The following RBFOX1 variants were observed in gnomAD, a reference collection of about 807,000 sequenced individuals.
RBFOX1 encodes the protein RNA binding protein fox-1 homolog 1.
RBFOX1 carries 8 observed loss-of-function variants against 57.7 expected under a neutral mutation model. That is an observed-to-expected ratio of 0.14 (90% CI 0.08 to 0.25). The LOEUF (loss-of-function observed/expected upper bound fraction) is 0.25, where lower values mean the gene tolerates loss of function less well. Ranked by LOEUF, RBFOX1 falls within the 10% of genes least tolerant of loss-of-function variation. The probability of loss-of-function intolerance (pLI) is 1.00; values close to 1 mark genes in which losing one functional copy is unlikely to be tolerated. For missense variants in RBFOX1, 611 were observed against 548.5 expected, an observed-to-expected ratio of 1.11 and a Z score of -1.14; for synonymous variants, 326 against 222.4, an observed-to-expected ratio of 1.47 and a Z score of -4.15.
chr16:7,197,335 T>G (rs572593769), intron 4 of RBFOX1, among the ~76,000 whole-genome samples: 13 of 152,026 alleles, frequency 8.6e-5, no homozygotes, highest in African/African-American at 3.1e-4. Flanking sequence ...TTTTAACTCC[T>G]GATCTTGGGA....
chr16:7,664,768 C>T, intron 12 of RBFOX1, 161 bp from the exon 13 acceptor site: 4 of 1,303,038 alleles, frequency 3.1e-6, no homozygotes, highest in Non-Finnish European at 4.2e-6. Context: ...GTTTGCTCAA[C>T]TGCCGTTGTC....
At chr16:7,614,991 G>C (rs1042266428) in intron 10 of RBFOX1, 7 of 152,186 alleles carry the variant, frequency 4.6e-5, no homozygotes, top group African/African-American at 1.2e-4. Context: ...AGGAGGTGTA[G>C]ATGAGGGCAT....
chr16:7,066,703 G>A (rs2056132440), intron 4 of RBFOX1, among the ~76,000 whole-genome samples: 1 of 152,110 alleles, frequency 6.6e-6, no homozygotes, highest in African/African-American at 2.4e-5. Context: ...TCCACAGTCA[G>A]GACTGAAGTC....
intron 3 of RBFOX1, among the ~76,000 whole-genome samples, chr16:6,972,788 G>A (rs1232825949): frequency 6.6e-6 from 1 of 152,036 alleles, no homozygotes; most frequent in African/African-American, 2.4e-5. Flanking sequence ...TGTCGAGTGG[G>A]TAAGAAAATT....
At chr16:6,656,130 G>C (rs535424590) in intron 3 of RBFOX1, among the ~76,000 whole-genome samples, 1 of 152,112 alleles carries the variant, frequency 6.6e-6, no homozygotes, top group East Asian at 1.9e-4. Flanking sequence ...TGGACAGATG[G>C]AATTGCTGCT....
intron 1 of RBFOX1, among the ~76,000 whole-genome samples, chr16:6,216,423 A>G (rs543971033): frequency 2.0e-5 from 3 of 152,312 alleles, no homozygotes; most frequent in African/African-American, 7.2e-5. Flanking sequence ...ATTCTAGTTA[A>G]TAGTTTTGCC....
intron 4 of RBFOX1, among the ~76,000 whole-genome samples, chr16:7,116,734 G>A (rs2065982806): frequency 6.6e-6 from 1 of 152,146 alleles, no homozygotes; most frequent in Non-Finnish European, 1.5e-5. Flanking sequence ...ACAGGCTCTG[G>A]AGATGTCCGA....
intron 2 of RBFOX1, among the ~76,000 whole-genome samples, chr16:6,556,509 C>T (rs940745176): frequency 6.6e-5 from 10 of 152,226 alleles, no homozygotes; most frequent in East Asian, 1.9e-4. Context: ...AAGTCCACGG[C>T]GCATTAAGGC....
At chr16:6,903,219 C>T (rs1041511845) in intron 3 of RBFOX1, among the ~76,000 whole-genome samples, 4 of 152,166 alleles carry the variant, frequency 2.6e-5, no homozygotes, top group South Asian at 2.1e-4. Flanking sequence ...AGAGCTCATG[C>T]AGCATTGCAC....
chr16:6,658,920 GTTTTTTGGTTTTTTT>G (rs2098680954), intron 3 of RBFOX1, among the ~76,000 whole-genome samples: 3 of 88,378 alleles, frequency 3.4e-5, no homozygotes, highest in African/African-American at 1.2e-4. Flanking sequence ...TTGTTTTTTT[GTTTTTTGGTTTTTTT>G]GTTTTTTTTG....
At chr16:7,575,060 T>G (rs71374953) in intron 5 of RBFOX1, among the ~76,000 whole-genome samples, 45,682 of 145,126 alleles carry the variant, frequency 0.31, 8,390 homozygotes, top group East Asian at 0.53. Context: ...TGGGGGGGGC[T>G]GTGGGGGAGG....
intron 3 of RBFOX1, among the ~76,000 whole-genome samples, chr16:6,875,528 C>G (rs1262970050): frequency 1.3e-5 from 2 of 152,082 alleles, no homozygotes; most frequent in Admixed American, 6.6e-5. Context: ...CTGGCAAAGA[C>G]TATGAATTAT....
intron 4 of RBFOX1, among the ~76,000 whole-genome samples, chr16:5,881,770 C>T (rs1408584796): frequency 1.3e-5 from 2 of 152,162 alleles, no homozygotes; most frequent in Non-Finnish European, 2.9e-5. Flanking sequence ...ACTTCATACG[C>T]ACTATTTCAC....
intron 3 of RBFOX1, among the ~76,000 whole-genome samples, chr16:6,934,043 C>T (rs972094445): frequency 2.6e-5 from 4 of 152,222 alleles, no homozygotes; most frequent in Admixed American, 2.0e-4. Context: ...TGGGCTAGAG[C>T]TGCTGTCCGA....
At chr16:6,402,461 A>G (rs535137549) in intron 2 of RBFOX1, among the ~76,000 whole-genome samples, 2 of 152,272 alleles carry the variant, frequency 1.3e-5, no homozygotes, top group East Asian at 1.9e-4. Context: ...ATGCACTTTC[A>G]TTGGAATTCA....
At chr16:6,661,283 C>G (rs1002552490) in intron 3 of RBFOX1, among the ~76,000 whole-genome samples, 1 of 152,158 alleles carries the variant, frequency 6.6e-6, no homozygotes, top group East Asian at 1.9e-4. Flanking sequence ...TCCCATGTGC[C>G]TAATTCCAGG....
intron 3 of RBFOX1, among the ~76,000 whole-genome samples, chr16:6,984,806 A>T (rs1273400249): frequency 1.1e-4 from 16 of 151,888 alleles, no homozygotes; most frequent in Admixed American, 9.8e-4. Context: ...ACACCTGGCT[A>T]ATTTTTGTAT....
chr16:6,556,998 TATATATAC>T (rs1475761020), intron 2 of RBFOX1, among the ~76,000 whole-genome samples: 19 of 42,758 alleles, frequency 4.4e-4, no homozygotes, highest in Admixed American at 3.4e-3. Context: ...TATACATACA[TATATATAC>T]ATATATATAC....
At chr16:7,706,917 A>C (rs543130000) in intron 14 of RBFOX1, among the ~76,000 whole-genome samples, 1 of 152,322 alleles carries the variant, frequency 6.6e-6, no homozygotes, top group South Asian at 2.1e-4. Context: ...TTTATCAAAA[A>C]CTTTTTAACA....
Sources: allele counts gnomAD v4.1 joint callset (sites outside exome capture counted in the v4.1 genomes callset), GRCh38; gene constraint gnomAD v4.1.1; transcripts MANE v1.5; gene names NCBI Gene and HGNC (gene_info 2026-07-23, HGNC 2026-07-21).